GALNTL6: variants seen among roughly 807,000 people sequenced by gnomAD.
GALNTL6 encodes the protein polypeptide N-acetylgalactosaminyltransferase-like 6.
In GALNTL6, 46 loss-of-function variants were observed where a neutral mutation model predicts 73.7. The observed-to-expected ratio is 0.62, with a 90% CI of 0.49 to 0.80. The LOEUF (loss-of-function observed/expected upper bound fraction) is 0.80, where lower values mean the gene tolerates loss of function less well. Among genes scored for constraint, GALNTL6 ranks in the 30% least tolerant of loss-of-function variants. GALNTL6 has a pLI of 0.00. For missense variants in GALNTL6, 604 were observed against 755.0 expected, an observed-to-expected ratio of 0.80 and a Z score of 2.34; for synonymous variants, 259 against 263.7, an observed-to-expected ratio of 0.98 and a Z score of 0.17.
At chr4:172,644,321 A>C (rs1292290223) in intron 5 of GALNTL6, among the ~76,000 whole-genome samples, 1 of 151,978 alleles carries the variant, frequency 6.6e-6, no homozygotes, top group East Asian at 1.9e-4. Flanking sequence ...ACACATACAC[A>C]CACACACAAA....
At chr4:172,090,287 C>T (rs927306519) in intron 2 of GALNTL6, among the ~76,000 whole-genome samples, 1 of 152,158 alleles carries the variant, frequency 6.6e-6, no homozygotes, top group Non-Finnish European at 1.5e-5. Flanking sequence ...CTGTCTTTCA[C>T]AATGGTTGAA....
intron 3 of GALNTL6, among the ~76,000 whole-genome samples, chr4:172,258,306 A>T (rs1738150906): frequency 6.6e-6 from 1 of 151,158 alleles, no homozygotes; most frequent in African/African-American, 2.4e-5. Flanking sequence ...TTTCATTAGT[A>T]TGTTATTTTT....
intron 8 of GALNTL6, among the ~76,000 whole-genome samples, chr4:172,921,640 C>G (rs957729641): frequency 6.6e-6 from 1 of 151,858 alleles, no homozygotes; most frequent in African/African-American, 2.4e-5. Context: ...ACTAAAAATA[C>G]AAAGATCAGC....
intron 2 of GALNTL6, among the ~76,000 whole-genome samples, chr4:171,938,404 G>C (rs1017245623): frequency 6.6e-6 from 1 of 152,052 alleles, no homozygotes; most frequent in Non-Finnish European, 1.5e-5. Context: ...TCTTTGTGTA[G>C]CATTTCTGTG....
At chr4:171,960,639 G>A (rs567571209) in intron 2 of GALNTL6, among the ~76,000 whole-genome samples, 1 of 131,784 alleles carries the variant, frequency 7.6e-6, no homozygotes, top group African/African-American at 3.0e-5. Flanking sequence ...CAAATAAAAT[G>A]TATATATAAA....
intron 3 of GALNTL6, among the ~76,000 whole-genome samples, chr4:172,271,870 T>G (rs923921682): frequency 6.6e-6 from 1 of 152,006 alleles, no homozygotes; most frequent in Non-Finnish European, 1.5e-5. Flanking sequence ...TATGATCCGT[T>G]TCATAATTTA....
At chr4:173,027,115 A>C (rs2126527084) in intron 12 of GALNTL6, among the ~76,000 whole-genome samples, 1 of 152,172 alleles carries the variant, frequency 6.6e-6, no homozygotes, top group East Asian at 1.9e-4. Context: ...AGCCTCCCCA[A>C]GTAGCTAGGA....
Position 171,988,833 on chromosome 4 carries a change from TC to T in GALNTL6, c.138+174116del, listed in dbSNP as rs555686824. Reference sequence around the variant, plus strand: ...TAATAGGATGGTAAGGGGGGCATGATCGGTCGCTAAGGAGGGAGTAGAGGTG... The same window carrying T: ...TAATAGGATGGTAAGGGGGGCATGATGGTCGCTAAGGAGGGAGTAGAGGTG... On this transcript the variant is annotated intron_variant, in intron 2 of 12. Transcript: ENST00000506823. Among the ~76,000 whole-genome samples the T allele has an allele frequency of 6.3e-4, 96 of 152,144 alleles. 1 individual carries two copies. The South Asian group carries it at 0.019, about 30-fold the overall frequency.
At chr4:171,989,827 G>A (rs552071586) in intron 2 of GALNTL6, among the ~76,000 whole-genome samples, 1 of 152,290 alleles carries the variant, frequency 6.6e-6, no homozygotes, top group African/African-American at 2.4e-5. Context: ...GCATCTCAGG[G>A]TTGCTGCCGA....
At chr4:172,339,457 C>T (rs1741480514) in intron 4 of GALNTL6, among the ~76,000 whole-genome samples, 1 of 152,058 alleles carries the variant, frequency 6.6e-6, no homozygotes, top group Non-Finnish European at 1.5e-5. Context: ...ATTTCCTGCT[C>T]AATTCTGGCT....
In GALNTL6 at chr4:172,653,473, G is replaced by A. The variant is rs112542675; in HGVS notation, c.554-155888G>A. On this transcript the variant is annotated intron_variant, in intron 5 of 12. Coordinates refer to ENST00000506823, the MANE Select transcript of GALNTL6 (RefSeq NM_001034845.3). ...TGACCTCAGGTGATCTGCCCGCCTC[G>A]GCCTCCCAAAGTGCTGGGATTACAG... Among the ~76,000 whole-genome samples, 649 of 151,902 alleles carry A rather than the reference G, an allele frequency of 4.3e-3. 3 individuals carry two copies. The highest frequency in any genetic ancestry group is 6.5e-3 in the Non-Finnish European group (442 of 67,930).
At chr4:171,909,129 A>C (rs2110958751) in intron 2 of GALNTL6, among the ~76,000 whole-genome samples, 1 of 149,138 alleles carries the variant, frequency 6.7e-6, no homozygotes, top group Non-Finnish European at 1.5e-5. Context: ...ATGTACCCTA[A>C]AACTTAAAGT....
chr4:172,784,553 C>T (rs574593973), intron 5 of GALNTL6, among the ~76,000 whole-genome samples: 1 of 152,186 alleles, frequency 6.6e-6, no homozygotes, highest in Admixed American at 6.5e-5. Context: ...TCTGAAGGCT[C>T]TAGGACAGAA....
intron 5 of GALNTL6, among the ~76,000 whole-genome samples, chr4:172,723,404 T>G (rs1308545182): frequency 2.0e-5 from 3 of 152,160 alleles, no homozygotes; most frequent in African/African-American, 7.2e-5. Context: ...TTATTTAACC[T>G]CATGGGTTTC....
intron 5 of GALNTL6, among the ~76,000 whole-genome samples, chr4:172,484,843 A>G (rs1579116924): frequency 6.6e-6 from 1 of 152,284 alleles, no homozygotes; most frequent in Middle Eastern, 3.4e-3. Flanking sequence ...ATAGGACTCA[A>G]TATAACCTTG....
At chr4:171,964,488 A>G (rs1398156873) in intron 2 of GALNTL6, among the ~76,000 whole-genome samples, 1 of 152,172 alleles carries the variant, frequency 6.6e-6, no homozygotes, top group African/African-American at 2.4e-5. Context: ...TGTCCAATTA[A>G]GTATAGATTC....
At chr4:172,083,145 A>T (rs1440826755) in intron 2 of GALNTL6, among the ~76,000 whole-genome samples, 1 of 152,182 alleles carries the variant, frequency 6.6e-6, no homozygotes, top group Admixed American at 6.5e-5. Context: ...TGTCTTAAAA[A>T]TGTTTTCAAA....
At chr4:171,938,366 G>C (rs1459609179) in intron 2 of GALNTL6, among the ~76,000 whole-genome samples, 2 of 152,124 alleles carry the variant, frequency 1.3e-5, no homozygotes, top group East Asian at 3.9e-4. Flanking sequence ...TCCCACACTT[G>C]AATGCCAACA....
intron 2 of GALNTL6, among the ~76,000 whole-genome samples, chr4:171,891,098 T>C (rs1459561766): frequency 6.6e-6 from 1 of 152,194 alleles, no homozygotes. Flanking sequence ...GATTCCCTGA[T>C]TTAAAGGAAC....
Sources: allele counts gnomAD v4.1 joint callset (sites outside exome capture counted in the v4.1 genomes callset), GRCh38; gene constraint gnomAD v4.1.1; transcripts MANE v1.5; gene names NCBI Gene and HGNC (gene_info 2026-07-23, HGNC 2026-07-21).